The following ABCG1 variants were observed in gnomAD, a reference collection of about 807,000 sequenced individuals.
ABCG1 encodes ATP-binding cassette sub-family G member 1.
In ABCG1, 29 loss-of-function variants were observed where a neutral mutation model predicts 69.2. That is an observed-to-expected ratio of 0.42 (90% CI 0.31 to 0.57). The LOEUF (loss-of-function observed/expected upper bound fraction) is 0.57, where lower values mean the gene tolerates loss of function less well. ABCG1 is among the 20% of genes least tolerant of loss of function. The pLI is 0.15. For missense variants in ABCG1, 718 were observed against 898.1 expected, an observed-to-expected ratio of 0.80 and a Z score of 2.56; for synonymous variants, 370 against 374.8, an observed-to-expected ratio of 0.99 and a Z score of 0.15.
At chr21:42,241,081 G>T (rs1428737117) in intron 2 of ABCG1, among the ~76,000 whole-genome samples, 2 of 152,272 alleles carry the variant, frequency 1.3e-5, no homozygotes, top group Non-Finnish European at 2.9e-5. Context: ...CTGGTGAATA[G>T]CATGTTGGTC....
chr21:42,226,400 G>A (rs545349137), intron 2 of ABCG1, among the ~76,000 whole-genome samples: 26 of 152,300 alleles, frequency 1.7e-4, no homozygotes, highest in African/African-American at 5.8e-4. Context: ...GGTGGTTGTG[G>A]TAGGCTAGAA....
chr21:42,245,511 C>T (rs1015504039), intron 2 of ABCG1, among the ~76,000 whole-genome samples: 1 of 152,204 alleles, frequency 6.6e-6, no homozygotes, highest in Non-Finnish European at 1.5e-5. Flanking sequence ...GCCACACATC[C>T]TGCAATCCAG....
chr21:42,215,312 G>C (rs139731682), upstream of ABCG1, among the ~76,000 whole-genome samples: 246 of 152,346 alleles, frequency 1.6e-3, no homozygotes, highest in African/African-American at 5.7e-3. Flanking sequence ...CCTCACGCCA[G>C]AGGCCAAGTC....
chr21:42,293,441 C>A (rs931594697), intron 13 of ABCG1, among the ~76,000 whole-genome samples: 16 of 146,494 alleles, frequency 1.1e-4, no homozygotes, highest in Non-Finnish European at 2.0e-4. Context: ...CACTACACAC[C>A]ACACACTACA....
chr21:42,236,308 C>G (rs1418180946), intron 2 of ABCG1, among the ~76,000 whole-genome samples: 2 of 152,242 alleles, frequency 1.3e-5, no homozygotes, highest in Non-Finnish European at 2.9e-5. Context: ...GGAGTGTTTT[C>G]CAGGGCATCT....
At chr21:42,256,336 G>A in intron 2 of ABCG1, 2 of 1,549,976 alleles carry the variant, frequency 1.3e-6, no homozygotes, top group Non-Finnish European at 1.7e-6. Flanking sequence ...CCTCTCTGCT[G>A]GGGCTCCGGG....
intron 2 of ABCG1, among the ~76,000 whole-genome samples, chr21:42,232,611 C>G (rs1397035864): frequency 6.6e-6 from 1 of 152,232 alleles, no homozygotes; most frequent in African/African-American, 2.4e-5. Flanking sequence ...GTTGGTGTCA[C>G]TGTTTAACTG....
At chr21:42,254,736 C>G (rs2068275371) in intron 2 of ABCG1, among the ~76,000 whole-genome samples, 1 of 152,232 alleles carries the variant, frequency 6.6e-6, no homozygotes, top group Non-Finnish European at 1.5e-5. Context: ...GATTTCTGTC[C>G]TTTCTGCCTT....
chr21:42,216,092 G>A (rs145298932), upstream of ABCG1: 422 of 446,966 alleles, frequency 9.4e-4, 1 homozygote, highest in African/African-American at 7.6e-3. Flanking sequence ...ATAAAGGGGA[G>A]TTTCCCTGCA....
At chr21:42,224,180 C>T (rs1337280306) in intron 1 of ABCG1, among the ~76,000 whole-genome samples, 3 of 152,210 alleles carry the variant, frequency 2.0e-5, no homozygotes, top group Non-Finnish European at 4.4e-5. Context: ...TCTTGTCCCA[C>T]AGCTTTGTTG....
chr21:42,273,927 T>G lies in ABCG1; in HGVS notation c.537+492T>G, dbSNP rs73362797. Among the ~76,000 whole-genome samples, 34 of 152,262 alleles carry G rather than the reference T, an allele frequency of 2.2e-4. No individual in the cohort carries two copies. The highest frequency in any genetic ancestry group is 7.9e-4 in the African/African-American group (33 of 41,540). On this transcript the variant is annotated intron_variant, in intron 4 of 14. Coordinates refer to ENST00000398449, the MANE Select transcript of ABCG1 (RefSeq NM_016818.3). The surrounding 1 kb of genome is among the most constrained non-coding windows in gnomAD (Gnocchi z 5.3). The stretch of plus-strand genomic sequence containing the variant: ...AAACCAGCAGTGGCCGAGCATCTCC[T>G]GGGTCCCAGGCCCTGAGCACATAGC...
At chr21:42,203,521 G>T (rs879382500) in intron 2 of ABCG1, among the ~76,000 whole-genome samples, 2 of 152,168 alleles carry the variant, frequency 1.3e-5, no homozygotes, top group Non-Finnish European at 2.9e-5. Context: ...AGCAGCACTT[G>T]CTGGAAAAGC....
intron 2 of ABCG1, chr21:42,206,844 C>G (rs369551901): frequency 2.1e-5 from 3 of 142,666 alleles, no homozygotes; most frequent in East Asian, 2.0e-4. Flanking sequence ...TTTTCTTTAT[C>G]TGAGAATATC....
chr21:42,279,257 A>C (rs952449600), intron 5 of ABCG1, among the ~76,000 whole-genome samples: 2 of 152,044 alleles, frequency 1.3e-5, no homozygotes, highest in Non-Finnish European at 2.9e-5. Flanking sequence ...AGAGCTCTGG[A>C]GAGGGAGGCG....
intron 6 of ABCG1, 75 bp downstream of exon 6, chr21:42,282,494 C>A (rs1569235538): frequency 1.3e-6 from 2 of 1,501,328 alleles, no homozygotes; most frequent in Admixed American, 2.1e-5. Flanking sequence ...TCCAGGTGAC[C>A]CTGACATCCT....
chr21:42,257,455 T>C (rs999568910), intron 2 of ABCG1, among the ~76,000 whole-genome samples: 3 of 152,244 alleles, frequency 2.0e-5, no homozygotes, highest in African/African-American at 4.8e-5. Context: ...CAGGACGTAC[T>C]TGGAGCTCAT....
intron 14 of ABCG1, among the ~76,000 whole-genome samples, chr21:42,295,819 G>T (rs1393472307): frequency 6.6e-6 from 1 of 152,178 alleles, no homozygotes; most frequent in East Asian, 1.9e-4. Flanking sequence ...TTGCAAGTTG[G>T]CTGGCCCACG....
intron 2 of ABCG1, among the ~76,000 whole-genome samples, chr21:42,257,984 T>C (rs1440056344): frequency 7.2e-6 from 1 of 138,244 alleles, no homozygotes; most frequent in Non-Finnish European, 1.6e-5. Context: ...CTTCATTTAC[T>C]CCATCCATCC....
At chr21:42,267,212 C>A (rs60333190) in intron 2 of ABCG1, among the ~76,000 whole-genome samples, 1 of 152,142 alleles carries the variant, frequency 6.6e-6, no homozygotes, top group Non-Finnish European at 1.5e-5. Context: ...AGCGCTCTCG[C>A]GGGTTCTGGT....
Sources: gnomAD v4.1 joint callset for allele counts (sites outside exome capture counted in the v4.1 genomes callset) on GRCh38, gnomAD v4.1.1 for gene constraint, Gnocchi (gnomAD v3.1) non-coding constraint, MANE v1.5 for transcripts, NCBI Gene and HGNC (gene_info 2026-07-23, HGNC 2026-07-21) for gene names.